The following CLMP variants were observed in gnomAD, a reference collection of about 807,000 sequenced individuals.
The protein encoded by CLMP is CXADR like cell adhesion molecule.
A neutral mutation model predicts 45.2 loss-of-function variants in CLMP; 27 were observed. The observed-to-expected ratio is 0.60, with a 90% CI of 0.44 to 0.82. The LOEUF (loss-of-function observed/expected upper bound fraction) is 0.82, where lower values mean the gene tolerates loss of function less well. Ranked by LOEUF, CLMP falls within the 40% of genes least tolerant of loss-of-function variation. CLMP has a pLI of 0.00. For synonymous variants in CLMP, 167 were observed against 171.4 expected, an observed-to-expected ratio of 0.97 and a Z score of 0.20; for missense variants, 403 against 448.4, an observed-to-expected ratio of 0.90 and a Z score of 0.91.
intron 1 of CLMP, among the ~76,000 whole-genome samples, chr11:123,145,019 C>T (rs1384827864): frequency 6.6e-6 from 1 of 151,930 alleles, no homozygotes; most frequent in East Asian, 1.9e-4. Context: ...ATGTAAAACA[C>T]CCACCAGATT....
chr11:123,085,182 CTTTT>C (rs112855358), intron 2 of CLMP, among the ~76,000 whole-genome samples: 6 of 136,988 alleles, frequency 4.4e-5, no homozygotes, highest in African/African-American at 7.8e-5. Context: ...GCCTCCCATT[CTTTT>C]TTTTTTTTTT....
chr11:123,146,761 T>A (rs1456308129), intron 1 of CLMP, among the ~76,000 whole-genome samples: 1 of 152,106 alleles, frequency 6.6e-6, no homozygotes, highest in Non-Finnish European at 1.5e-5. Context: ...CACACCTAGA[T>A]GCCAACAACT....
chr11:123,122,326 G>C (rs992593872), intron 1 of CLMP, among the ~76,000 whole-genome samples: 1 of 152,016 alleles, frequency 6.6e-6, no homozygotes, highest in Non-Finnish European at 1.5e-5. Flanking sequence ...CTCCATTTTT[G>C]AAAGCAACAA....
intron 1 of CLMP, among the ~76,000 whole-genome samples, chr11:123,146,233 T>A (rs1359044688): frequency 1.3e-5 from 2 of 152,176 alleles, no homozygotes; most frequent in Admixed American, 1.3e-4. Flanking sequence ...TTCTTCCCTG[T>A]TAAAATTCAG....
chr11:123,145,587 C>T (rs564878566), intron 1 of CLMP, among the ~76,000 whole-genome samples: 2 of 151,790 alleles, frequency 1.3e-5, no homozygotes, highest in South Asian at 2.1e-4. Context: ...CTCAGCTTCC[C>T]GAGTAGCTGG....
intron 1 of CLMP, among the ~76,000 whole-genome samples, chr11:123,151,131 T>C (rs1311354856): frequency 1.3e-5 from 2 of 152,216 alleles, no homozygotes; most frequent in Non-Finnish European, 2.9e-5. Context: ...AGGACCAGCG[T>C]GCTGTCTGTG....
At chr11:123,129,767 A>G (rs1330630755) in intron 1 of CLMP, among the ~76,000 whole-genome samples, 2 of 149,786 alleles carry the variant, frequency 1.3e-5, no homozygotes, top group Non-Finnish European at 3.0e-5. Context: ...TATCTTATAC[A>G]TCAGGCAGCT....
At chr11:123,190,355 T>G (rs1344212173) in intron 1 of CLMP, among the ~76,000 whole-genome samples, 1 of 152,036 alleles carries the variant, frequency 6.6e-6, no homozygotes, top group East Asian at 1.9e-4. Flanking sequence ...ATAAGCAGGG[T>G]AACACCCATC....
intron 1 of CLMP, among the ~76,000 whole-genome samples, chr11:123,174,696 T>G (rs1861676304): frequency 6.6e-6 from 1 of 152,200 alleles, no homozygotes; most frequent in Admixed American, 6.5e-5. Context: ...CAACCTAATG[T>G]CCTTTATATT....
intron 1 of CLMP, among the ~76,000 whole-genome samples, chr11:123,172,443 T>TAGC (rs1382646716): frequency 2.2e-4 from 29 of 130,288 alleles, no homozygotes; most frequent in African/African-American, 8.4e-4. Context: ...GAGATGTTAA[T>TAGC]TTGTGCCAGT....
intron 1 of CLMP, among the ~76,000 whole-genome samples, chr11:123,115,295 T>G (rs928182207): frequency 6.6e-6 from 1 of 152,076 alleles, no homozygotes; most frequent in Admixed American, 6.6e-5. Context: ...CGATCCTCTT[T>G]TCTAGGCTCT....
chr11:123,109,075 A>AG (rs1417902678), intron 1 of CLMP, among the ~76,000 whole-genome samples: 4 of 151,686 alleles, frequency 2.6e-5, no homozygotes, highest in Admixed American at 6.6e-5. Context: ...AAAAAAAAAA[A>AG]AAAAAGAAAG....
chr11:123,140,077 GA>G (rs1861133049), intron 1 of CLMP, among the ~76,000 whole-genome samples: 2 of 152,180 alleles, frequency 1.3e-5, no homozygotes, highest in African/African-American at 4.8e-5. Context: ...GCTAGAATGA[GA>G]ATGGAGAATA....
chr11:123,110,911 G>A (rs1860629765), intron 1 of CLMP, among the ~76,000 whole-genome samples: 1 of 152,180 alleles, frequency 6.6e-6, no homozygotes, highest in Admixed American at 6.5e-5. Context: ...ATTCAAATGA[G>A]AGTGTGTGAG....
intron 1 of CLMP, among the ~76,000 whole-genome samples, chr11:123,150,687 C>T (rs1861325866): frequency 6.6e-6 from 1 of 152,108 alleles, no homozygotes; most frequent in Non-Finnish European, 1.5e-5. Flanking sequence ...TACCATCCCA[C>T]TCTCCCACAA....
intron 1 of CLMP, among the ~76,000 whole-genome samples, chr11:123,111,680 G>C (rs1201917119): frequency 1.3e-5 from 2 of 151,532 alleles, no homozygotes; most frequent in Admixed American, 6.6e-5. Context: ...GACTACTTTG[G>C]ATTTAAGCTT....
chr11:123,159,934 C>T (rs1318720891), intron 1 of CLMP, among the ~76,000 whole-genome samples: 5 of 152,098 alleles, frequency 3.3e-5, no homozygotes, highest in African/African-American at 1.2e-4. Context: ...TTGTAACAAG[C>T]TGTTAAATGC....
chr11:123,073,415 C>G lies in CLMP; in HGVS notation c.*59G>C. 6.5e-7 allele frequency: 1 copy of G among 1,529,630 alleles called. No individual in the cohort carries two copies. Among genetic ancestry groups the G allele is most frequent in the African/African-American group, 1.4e-5 (1 of 72,490 alleles). 94.8% of individuals were successfully genotyped at this position (1,529,630 alleles called of 1,614,324 possible). A position where few individuals can be genotyped will look rare whatever the true frequency, so the allele number is the denominator to read the frequency against. ...TGGCTGGTGACTTGAGCTCCAATGA[C>G]GAGAAGAGTCCAAAGACCCTGACTC... On this transcript the variant is annotated 3_prime_UTR_variant, in exon 7 of 7. Coordinates refer to ENST00000448775, the MANE Select transcript of CLMP (RefSeq NM_024769.5).
Position 123,138,531 on chromosome 11 carries a change from T to G in CLMP, c.29-40579A>C, listed in dbSNP as rs1861108779. Among the ~76,000 whole-genome samples the G allele has an allele frequency of 2.0e-5, 3 of 152,274 alleles. No individual in the cohort carries two copies. In the South Asian group the frequency reaches 6.2e-4, roughly 32 times the overall value. On this transcript the variant is annotated intron_variant, in intron 1 of 6. Coordinates refer to ENST00000448775, the MANE Select transcript of CLMP (RefSeq NM_024769.5). Reference sequence around the variant, plus strand: ...CTGGTTACAGAGATCTACTTTCTGATAGCAGCATATCAGCAATTTTGATGT... The same window carrying G: ...CTGGTTACAGAGATCTACTTTCTGAGAGCAGCATATCAGCAATTTTGATGT...
Sources: allele counts gnomAD v4.1 joint callset (sites outside exome capture counted in the v4.1 genomes callset), GRCh38; gene constraint gnomAD v4.1.1; transcripts MANE v1.5; gene names NCBI Gene and HGNC (gene_info 2026-07-23, HGNC 2026-07-21).